Variants in PCSK5 observed in about 807,000 individuals in gnomAD.
PCSK5 encodes the protein prohormone convertase 5.
Under a neutral mutation model 233.2 loss-of-function variants are expected in PCSK5, and 129 were observed. The observed-to-expected ratio is 0.55, with a 90% CI of 0.48 to 0.64. The LOEUF is 0.64. PCSK5 is among the 30% of genes least tolerant of loss of function. The pLI is 0.00. For missense variants in PCSK5, 2,076 were observed against 2,430.1 expected (o/e 0.85, Z 3.06); for synonymous variants, 825 against 879.2 (o/e 0.94, Z 1.09).
chr9:76,209,665 G>A, intron 20 of PCSK5: 1 of 363,322 alleles, frequency 2.8e-6, no homozygotes, highest in Non-Finnish European at 5.5e-6. Flanking sequence ...GGCAAGTTGT[G>A]GTCTAGATCA....
intron 24 of PCSK5, among the ~76,000 whole-genome samples, chr9:76,262,508 C>T (rs4392967): frequency 7.0e-6 from 1 of 143,154 alleles, no homozygotes; most frequent in African/African-American, 2.6e-5. Context: ...ACAAACCTGA[C>T]AAAAACAAAC....
chr9:76,159,472 C>T (rs1386867809), intron 12 of PCSK5, among the ~76,000 whole-genome samples: 1 of 152,164 alleles, frequency 6.6e-6, no homozygotes, highest in African/African-American at 2.4e-5. Flanking sequence ...TCTGATATCC[C>T]CTCCCCCACC....
intron 2 of PCSK5, among the ~76,000 whole-genome samples, chr9:75,953,049 A>G (rs963873864): frequency 1.3e-5 from 2 of 152,216 alleles, no homozygotes; most frequent in African/African-American, 4.8e-5. Flanking sequence ...TTGACAATAT[A>G]TATTACGTTA....
intron 5 of PCSK5, among the ~76,000 whole-genome samples, chr9:76,053,047 C>T (rs556407610): frequency 1.6e-4 from 24 of 152,330 alleles, no homozygotes; most frequent in Non-Finnish European, 2.4e-4. Context: ...TGGACAGTTC[C>T]GCCCCTGTGG....
chr9:76,091,556 C>T (rs1831289298), intron 7 of PCSK5, among the ~76,000 whole-genome samples: 1 of 152,092 alleles, frequency 6.6e-6, no homozygotes, highest in African/African-American at 2.4e-5. Context: ...TCTAGTTAAC[C>T]CTTAAGATCT....
rs1823877927 is a variant in PCSK5, at chr9:76,181,658, G to A, written c.2197+67G>A. 4 of 1,054,742 alleles carry A rather than the reference G, an allele frequency of 3.8e-6. No individual in the cohort carries two copies. In the South Asian group the frequency reaches 4.5e-5, roughly 12 times the overall value. 65.3% of individuals were successfully genotyped at this position (1,054,742 alleles called of 1,614,324 possible). A position where few individuals can be genotyped will look rare whatever the true frequency, so the allele number is the denominator to read the frequency against. On this transcript the variant is annotated intron_variant, in intron 16 of 37. Coordinates refer to ENST00000674117, the MANE Select transcript of PCSK5 (RefSeq NM_001372043.1). ...GGTGTTTTCATTTGAGTGACCTCAG[G>A]AGGGATAGCCTCTTTGTGAAATCTG...
chr9:76,121,305 A>T (rs892234217), intron 9 of PCSK5, among the ~76,000 whole-genome samples: 2 of 151,624 alleles, frequency 1.3e-5, no homozygotes, highest in Non-Finnish European at 2.9e-5. Context: ...TACATTGTTA[A>T]TATTATTCCC....
chr9:76,075,807 A>G lies in PCSK5; in HGVS notation c.894+3909A>G, dbSNP rs542356508. Among the ~76,000 whole-genome samples the G allele has an allele frequency of 5.9e-5, 9 of 152,324 alleles. 1 individual carries two copies. In the South Asian group the frequency reaches 1.9e-3, roughly 32 times the overall value. The stretch of plus-strand genomic sequence containing the variant: ...GCCTATTGGGGTTTATCATCTACAA[A>G]AATGTAGGGATTGGAATTTATTTAT... On this transcript the variant is annotated intron_variant, in intron 7 of 37. Coordinates refer to ENST00000674117, the MANE Select transcript of PCSK5 (RefSeq NM_001372043.1).
chr9:76,328,600 A>G (rs1052177974), intron 33 of PCSK5, among the ~76,000 whole-genome samples: 4 of 152,122 alleles, frequency 2.6e-5, no homozygotes, highest in African/African-American at 9.7e-5. Flanking sequence ...ATTTGAAGGC[A>G]TACATCATGG....
At chr9:76,194,542 A>G (rs1220862697) in intron 20 of PCSK5, 3 of 200,318 alleles carry the variant, frequency 1.5e-5, no homozygotes, top group African/African-American at 7.2e-5. Flanking sequence ...CTGTCCCTCT[A>G]TAACTATGCC....
chr9:76,101,546 T>G (rs1831757493), intron 8 of PCSK5, among the ~76,000 whole-genome samples: 1 of 152,202 alleles, frequency 6.6e-6, no homozygotes, highest in Non-Finnish European at 1.5e-5. Flanking sequence ...CATCATTAAA[T>G]TATCTCTTTC....
chr9:76,283,481 G>A (rs996575366), intron 24 of PCSK5, among the ~76,000 whole-genome samples: 12 of 152,278 alleles, frequency 7.9e-5, no homozygotes, highest in African/African-American at 2.4e-4. Context: ...CCTAATTAAG[G>A]TATGTATATT....
rs754684210 is a variant in PCSK5 at position 76,338,480 on chromosome 9, G to A, written c.4966+33G>A. 6.3e-5 allele frequency: 92 copies of A among 1,458,820 alleles called. No homozygotes were observed. In the Middle Eastern group the frequency reaches 6.9e-4, roughly 11 times the overall value. 90.4% of individuals were successfully genotyped at this position (1,458,820 alleles called of 1,614,324 possible). A position where few individuals can be genotyped will look rare whatever the true frequency, so the allele number is the denominator to read the frequency against. ...TCTACCTGTCATTTTGCATGAGTGCGTAGAAAAATGAAAAGGTTTTCTTCC... is the reference window on the plus strand; with the variant it reads ...TCTACCTGTCATTTTGCATGAGTGCATAGAAAAATGAAAAGGTTTTCTTCC... On this transcript the variant is annotated intron_variant, in intron 35 of 37. Transcript: ENST00000674117.
At chr9:75,988,853 A>G (rs1369718873) in intron 3 of PCSK5, among the ~76,000 whole-genome samples, 2 of 152,232 alleles carry the variant, frequency 1.3e-5, no homozygotes, top group South Asian at 2.1e-4. Flanking sequence ...GGAGATGCCA[A>G]TACAGGCAGG....
chr9:76,003,512 A>G (rs1345502203), intron 3 of PCSK5, among the ~76,000 whole-genome samples: 1 of 152,246 alleles, frequency 6.6e-6, no homozygotes, highest in Non-Finnish European at 1.5e-5. Context: ...TGGATTTACC[A>G]AAAAGTTAAT....
intron 2 of PCSK5, among the ~76,000 whole-genome samples, chr9:75,963,302 C>T (rs1317981178): frequency 1.3e-5 from 2 of 152,128 alleles, no homozygotes; most frequent in East Asian, 3.9e-4. Flanking sequence ...CTGTGGAAAT[C>T]ACAGCTTTCC....
At chr9:76,253,714 C>T (rs1298197879) in intron 24 of PCSK5, among the ~76,000 whole-genome samples, 2 of 152,250 alleles carry the variant, frequency 1.3e-5, no homozygotes, top group African/African-American at 4.8e-5. Context: ...TGTGTTTTCA[C>T]ATCTGCAACC....
intron 24 of PCSK5, among the ~76,000 whole-genome samples, chr9:76,269,020 T>C (rs1223041399): frequency 6.6e-6 from 1 of 152,206 alleles, no homozygotes; most frequent in Non-Finnish European, 1.5e-5. Context: ...GTGAAATTCA[T>C]ATCTACAAGT....
At chr9:76,172,278 CCTT>C (rs78826840) in intron 13 of PCSK5, among the ~76,000 whole-genome samples, 19,552 of 152,022 alleles carry the variant, frequency 0.13, 1,390 homozygotes, top group South Asian at 0.18. Flanking sequence ...GGATTTTTCT[CCTT>C]CTGTATTTAC....
Sources: gnomAD v4.1 joint callset for allele counts (sites outside exome capture counted in the v4.1 genomes callset) on GRCh38, gnomAD v4.1.1 for gene constraint, MANE v1.5 for transcripts, NCBI Gene and HGNC (gene_info 2026-07-23, HGNC 2026-07-21) for gene names.